The following RBMS1 variants were observed in gnomAD, a reference collection of about 807,000 sequenced individuals.
The protein encoded by RBMS1 is RNA binding motif single stranded interacting protein 1, also known as RNA-binding motif, single-stranded-interacting protein 1.
RBMS1 carries 17 observed loss-of-function variants against 62.3 expected under a neutral mutation model. The ratio of observed to expected loss-of-function variants is 0.27; its 90% CI spans 0.19 to 0.41. The LOEUF (loss-of-function observed/expected upper bound fraction) is 0.41, where lower values mean the gene tolerates loss of function less well. Among genes scored for constraint, RBMS1 ranks in the 10% least tolerant of loss-of-function variants. The pLI, the probability that RBMS1 is intolerant of heterozygous loss-of-function variation, is 1.00. For synonymous variants in RBMS1, 172 were observed against 170.0 expected (o/e 1.01, Z -0.09); for missense variants, 334 against 504.5 (o/e 0.66, Z 3.24).
intron 1 of RBMS1, among the ~76,000 whole-genome samples, chr2:160,426,810 C>G (rs1246874565): frequency 2.0e-5 from 3 of 152,086 alleles, no homozygotes; most frequent in African/African-American, 4.8e-5. Context: ...TCACAGTGGC[C>G]TCTCTTTAAT....
chr2:160,488,875 T>C lies in RBMS1; in HGVS notation c.75+4414A>G, dbSNP rs148125690. Among the ~76,000 whole-genome samples, 318 of 152,316 alleles carry C rather than the reference T, an allele frequency of 2.1e-3. 1 individual carries two copies. The highest frequency in any genetic ancestry group is 7.4e-3 in the African/African-American group (306 of 41,578). ...TTACTGTCTCAATTTAAAAGCTAGA[T>C]GCCGAAATGGTTTCAATAAACTATT... On this transcript the variant is annotated intron_variant, in intron 1 of 13. Transcript: ENST00000348849.
chr2:160,487,504 G>A (rs1685645541), intron 1 of RBMS1, among the ~76,000 whole-genome samples: 1 of 152,082 alleles, frequency 6.6e-6, no homozygotes, highest in African/African-American at 2.4e-5. Flanking sequence ...GATGTACTGG[G>A]GTCACTCAGT....
chr2:160,384,747 G>T (rs1174976910), intron 1 of RBMS1, among the ~76,000 whole-genome samples: 1 of 152,188 alleles, frequency 6.6e-6, no homozygotes, highest in Non-Finnish European at 1.5e-5. Flanking sequence ...TGTCGGGCTT[G>T]TAAGAAGTGC....
chr2:160,303,595 T>A, intron 4 of RBMS1, 108 bp from the exon 5 acceptor site: 1 of 1,254,578 alleles, frequency 8.0e-7, no homozygotes, highest in East Asian at 2.4e-5. Context: ...CCTTTTAAAG[T>A]ACTCAGAACC....
chr2:160,315,692 G>A (rs1250731029), intron 3 of RBMS1, among the ~76,000 whole-genome samples: 1 of 152,208 alleles, frequency 6.6e-6, no homozygotes, highest in Non-Finnish European at 1.5e-5. Flanking sequence ...ACTTCTGTAA[G>A]TATAAATAAT....
chr2:160,318,727 G>A (rs1353455472), intron 2 of RBMS1, among the ~76,000 whole-genome samples: 1 of 152,230 alleles, frequency 6.6e-6, no homozygotes, highest in Non-Finnish European at 1.5e-5. Context: ...CGCCACAGAA[G>A]GGCAGGTGTG....
intron 1 of RBMS1, among the ~76,000 whole-genome samples, chr2:160,374,128 C>G (rs994242375): frequency 6.6e-6 from 1 of 152,056 alleles, no homozygotes; most frequent in Non-Finnish European, 1.5e-5. Flanking sequence ...TTTGGTGGCA[C>G]ACGCCTGTAG....
intron 1 of RBMS1, chr2:160,493,061 C>CT: frequency 2.0e-6 from 1 of 512,264 alleles, no homozygotes; most frequent in East Asian, 3.4e-5. Flanking sequence ...TGTCTAGTCT[C>CT]TCCCCCCGCG....
intron 2 of RBMS1, among the ~76,000 whole-genome samples, chr2:160,339,804 C>G (rs1428582662): frequency 6.6e-6 from 1 of 152,138 alleles, no homozygotes; most frequent in Non-Finnish European, 1.5e-5. Context: ...AGTAAACACA[C>G]AGCAACATGT....
At chr2:160,403,197 TAC>T (rs1374562809) in intron 1 of RBMS1, among the ~76,000 whole-genome samples, 11 of 152,112 alleles carry the variant, frequency 7.2e-5, no homozygotes, top group African/African-American at 2.4e-4. Context: ...TGACCACAAA[TAC>T]ACAGAGATAA....
chr2:160,377,023 T>C (rs1694036133), intron 1 of RBMS1, among the ~76,000 whole-genome samples: 1 of 152,014 alleles, frequency 6.6e-6, no homozygotes, highest in East Asian at 1.9e-4. Context: ...TTTGTGTGTG[T>C]GAATAAAGAT....
chr2:160,328,779 C>T (rs1169418327), intron 2 of RBMS1, among the ~76,000 whole-genome samples: 2 of 152,148 alleles, frequency 1.3e-5, no homozygotes, highest in African/African-American at 2.4e-5. Context: ...AAATTTGTCA[C>T]TCCTTTTAAA....
chr2:160,440,631 A>C (rs1683373972), intron 1 of RBMS1, among the ~76,000 whole-genome samples: 1 of 152,178 alleles, frequency 6.6e-6, no homozygotes, highest in African/African-American at 2.4e-5. Flanking sequence ...ATCTGCTGGC[A>C]CAGAAGTGGA....
chr2:160,310,848 A>T (rs1574258662), intron 4 of RBMS1, among the ~76,000 whole-genome samples: 1 of 152,170 alleles, frequency 6.6e-6, no homozygotes, highest in Non-Finnish European at 1.5e-5. Flanking sequence ...ACCGTCTTTC[A>T]ATAATGTCAC....
chr2:160,482,723 T>C (rs1010083625), intron 1 of RBMS1, among the ~76,000 whole-genome samples: 1 of 152,188 alleles, frequency 6.6e-6, no homozygotes, highest in Admixed American at 6.5e-5. Context: ...TAGGAGGATT[T>C]GCATACTGAA....
chr2:160,314,120 T>C (rs1478119263), intron 3 of RBMS1, among the ~76,000 whole-genome samples: 1 of 152,134 alleles, frequency 6.6e-6, no homozygotes, highest in Non-Finnish European at 1.5e-5. Context: ...TCAAAACTAC[T>C]AACAAGCAAT....
chr2:160,336,595 A>G (rs1392207837), intron 2 of RBMS1, among the ~76,000 whole-genome samples: 3 of 152,198 alleles, frequency 2.0e-5, no homozygotes, highest in Non-Finnish European at 2.9e-5. Context: ...ACATTAAAAA[A>G]ACAGATGAAA....
At chr2:160,404,307 T>C (rs1695582260) in intron 1 of RBMS1, among the ~76,000 whole-genome samples, 1 of 152,194 alleles carries the variant, frequency 6.6e-6, no homozygotes, top group East Asian at 1.9e-4. Context: ...TACTCCCTGA[T>C]GCCCTAGCTA....
At chr2:160,439,100 G>A (rs570133285) in intron 1 of RBMS1, among the ~76,000 whole-genome samples, 1 of 150,778 alleles carries the variant, frequency 6.6e-6, no homozygotes, top group Non-Finnish European at 1.5e-5. Flanking sequence ...GCCGGGCAGA[G>A]GCACCCCTCA....
Sources: allele counts gnomAD v4.1 joint callset (sites outside exome capture counted in the v4.1 genomes callset), GRCh38; gene constraint gnomAD v4.1.1; transcripts MANE v1.5; gene names NCBI Gene and HGNC (gene_info 2026-07-23, HGNC 2026-07-21).